KLHL1: variants seen among roughly 807,000 people sequenced by gnomAD.
KLHL1 encodes kelch-like protein 1.
A neutral mutation model predicts 77.7 loss-of-function variants in KLHL1; 47 were observed. The ratio of observed to expected loss-of-function variants is 0.60; its 90% CI spans 0.48 to 0.77. The LOEUF is 0.77. Ranked by LOEUF, KLHL1 falls within the 30% of genes least tolerant of loss-of-function variation. The pLI is 0.00. For synonymous variants in KLHL1, 360 were observed against 325.2 expected (o/e 1.11, Z -1.15); for missense variants, 925 against 910.8 (o/e 1.02, Z -0.20).
In KLHL1 at chr13:69,797,005, T is replaced by A. The variant is rs371198759; in HGVS notation, c.1415-43A>T. On this transcript the variant is annotated intron_variant, in intron 6 of 10. Coordinates refer to ENST00000377844, the MANE Select transcript of KLHL1 (RefSeq NM_020866.3). ...CAAAAAGTCACCAATTGCTATAAAT[T>A]CAACAAACAGCCTGCCAAAGCAGGG... The A allele has an allele frequency of 3.3e-6, 5 of 1,498,046 alleles. No individual in the cohort carries two copies. In the African/African-American group the frequency reaches 5.5e-5, roughly 17 times the overall value. The allele number at this position is 1,498,046 out of a possible 1,614,324, so 92.8% of individuals were successfully genotyped here.
At chr13:70,079,975 A>C (rs981942240) in intron 1 of KLHL1, among the ~76,000 whole-genome samples, 3 of 152,170 alleles carry the variant, frequency 2.0e-5, no homozygotes, top group African/African-American at 7.2e-5. Flanking sequence ...CCAGGATGTG[A>C]TGGTGAATCC....
At chr13:69,922,164 C>G (rs1414255869) in intron 4 of KLHL1, among the ~76,000 whole-genome samples, 1 of 152,008 alleles carries the variant, frequency 6.6e-6, no homozygotes, top group Non-Finnish European at 1.5e-5. Flanking sequence ...CCAGGCTGGT[C>G]TCTAACTCCT....
chr13:69,891,635 C>T (rs1178326931), intron 4 of KLHL1, among the ~76,000 whole-genome samples: 2 of 151,942 alleles, frequency 1.3e-5, no homozygotes, highest in East Asian at 3.9e-4. Context: ...ATCTCCTCAC[C>T]TTGAATATAG....
At chr13:69,947,028 TTGTGTGTG>T (rs59606834) in intron 3 of KLHL1, among the ~76,000 whole-genome samples, 46,085 of 145,642 alleles carry the variant, frequency 0.32, 7,166 homozygotes, top group Admixed American at 0.34. Context: ...TGTGTGTGTG[TTGTGTGTG>T]TGTGTGTGTG....
intron 7 of KLHL1, among the ~76,000 whole-genome samples, chr13:69,757,046 G>C (rs1874780191): frequency 6.6e-6 from 1 of 152,102 alleles, no homozygotes; most frequent in Non-Finnish European, 1.5e-5. Flanking sequence ...GCTTTGGTCA[G>C]CATTTTTTAT....
At chr13:69,730,040 CAGT>C (rs1873472624) in intron 8 of KLHL1, among the ~76,000 whole-genome samples, 1 of 152,016 alleles carries the variant, frequency 6.6e-6, no homozygotes, top group Admixed American at 6.6e-5. Flanking sequence ...TTAAAAGCGA[CAGT>C]AGAAGAAACT....
chr13:69,943,901 T>C (rs928542518), intron 3 of KLHL1, among the ~76,000 whole-genome samples: 2 of 152,230 alleles, frequency 1.3e-5, no homozygotes, highest in African/African-American at 2.4e-5. Flanking sequence ...TACATGCTGA[T>C]GGCATGGTTT....
At chr13:70,025,360 C>T (rs1269083952) in intron 1 of KLHL1, among the ~76,000 whole-genome samples, 1 of 151,920 alleles carries the variant, frequency 6.6e-6, no homozygotes, top group Non-Finnish European at 1.5e-5. Flanking sequence ...TTATTTTATG[C>T]ATCAATATAG....
intron 10 of KLHL1, among the ~76,000 whole-genome samples, chr13:69,705,142 A>T (rs1391592598): frequency 6.6e-6 from 1 of 151,734 alleles, no homozygotes; most frequent in Non-Finnish European, 1.5e-5. Flanking sequence ...AAGATAATAC[A>T]TTATTAAAGG....
At chr13:69,758,874 C>G (rs1344433688) in intron 7 of KLHL1, among the ~76,000 whole-genome samples, 1 of 151,954 alleles carries the variant, frequency 6.6e-6, no homozygotes, top group Non-Finnish European at 1.5e-5. Context: ...AGAAAATACT[C>G]ATTTTATGAT....
At chr13:69,825,461 G>T (rs1388141665) in intron 6 of KLHL1, among the ~76,000 whole-genome samples, 1 of 152,120 alleles carries the variant, frequency 6.6e-6, no homozygotes, top group African/African-American at 2.4e-5. Context: ...GAATAGTTTT[G>T]TCATGGGCAA....
intron 2 of KLHL1, among the ~76,000 whole-genome samples, chr13:69,965,672 T>C (rs1459672319): frequency 2.0e-5 from 3 of 152,328 alleles, no homozygotes; most frequent in Admixed American, 1.3e-4. Flanking sequence ...CTAGGCCTTT[T>C]TTGCCAAACA....
intron 5 of KLHL1, among the ~76,000 whole-genome samples, chr13:69,870,826 G>T (rs1880552665): frequency 6.6e-6 from 1 of 151,890 alleles, no homozygotes; most frequent in South Asian, 2.1e-4. Context: ...CGGCACCTGG[G>T]GCACACTAGT....
chr13:69,950,306 T>C, intron 3 of KLHL1, among the ~76,000 whole-genome samples: 1 of 151,688 alleles, frequency 6.6e-6, no homozygotes, highest in Non-Finnish European at 1.5e-5. Flanking sequence ...TTAAAGCTAC[T>C]CTAATTACAT....
intron 7 of KLHL1, among the ~76,000 whole-genome samples, chr13:69,760,908 C>T (rs1168543298): frequency 1.3e-5 from 2 of 152,102 alleles, no homozygotes; most frequent in African/African-American, 2.4e-5. Context: ...TTTCTGATTG[C>T]TGCTTCTGGG....
chr13:69,930,394 C>T (rs550090906), intron 4 of KLHL1, among the ~76,000 whole-genome samples: 68 of 151,862 alleles, frequency 4.5e-4, no homozygotes, highest in African/African-American at 1.6e-3. Flanking sequence ...GTACCAAAAG[C>T]TTTTCAAATG....
intron 8 of KLHL1, among the ~76,000 whole-genome samples, chr13:69,720,041 A>G (rs1872973333): frequency 6.6e-6 from 1 of 152,102 alleles, no homozygotes; most frequent in South Asian, 2.1e-4. Flanking sequence ...CACAGTTTAG[A>G]ACAATAAATA....
intron 4 of KLHL1, among the ~76,000 whole-genome samples, chr13:69,905,705 A>G (rs1882024630): frequency 1.3e-5 from 2 of 152,230 alleles, no homozygotes; most frequent in South Asian, 2.1e-4. Context: ...GAACAATAAT[A>G]TCATTATTTC....
intron 5 of KLHL1, among the ~76,000 whole-genome samples, chr13:69,879,889 C>T (rs1880920707): frequency 6.6e-6 from 1 of 152,250 alleles, no homozygotes; most frequent in Admixed American, 6.5e-5. Flanking sequence ...GTATCAACTA[C>T]ATGGGGATTT....
Sources: gnomAD v4.1 joint callset for allele counts (sites outside exome capture counted in the v4.1 genomes callset) on GRCh38, gnomAD v4.1.1 for gene constraint, MANE v1.5 for transcripts, NCBI Gene and HGNC (gene_info 2026-07-23, HGNC 2026-07-21) for gene names.